ADAMTSL3: variants seen among roughly 807,000 people sequenced by gnomAD.
ADAMTSL3 encodes ADAMTS-like protein 3.
Under a neutral mutation model 201.7 loss-of-function variants are expected in ADAMTSL3, and 128 were observed. The ratio of observed to expected loss-of-function variants is 0.63; its 90% CI spans 0.55 to 0.73. The LOEUF is 0.73. Among genes scored for constraint, ADAMTSL3 ranks in the 30% least tolerant of loss-of-function variants. The pLI is 0.00. For synonymous variants in ADAMTSL3, 738 were observed against 748.4 expected, an observed-to-expected ratio of 0.99 and a Z score of 0.23; for missense variants, 1,990 against 2,119.6, an observed-to-expected ratio of 0.94 and a Z score of 1.20.
At chr15:83,997,826 T>C (rs2067715730) in intron 23 of ADAMTSL3, among the ~76,000 whole-genome samples, 1 of 152,170 alleles carries the variant, frequency 6.6e-6, no homozygotes, top group Non-Finnish European at 1.5e-5. Flanking sequence ...TTTTCTGTTA[T>C]AAAATGAGGA....
chr15:83,760,283 G>A (rs773092482), intron 3 of ADAMTSL3, among the ~76,000 whole-genome samples: 1 of 151,942 alleles, frequency 6.6e-6, no homozygotes, highest in Non-Finnish European at 1.5e-5. Flanking sequence ...TTTTCATTGT[G>A]ATTAATTTTT....
chr15:83,691,408 T>C (rs2061605866), intron 2 of ADAMTSL3, among the ~76,000 whole-genome samples: 1 of 152,160 alleles, frequency 6.6e-6, no homozygotes, highest in African/African-American at 2.4e-5. Flanking sequence ...AGGAGCCATA[T>C]GGTCACTTTC....
chr15:83,769,481 C>T (rs1387102776), intron 3 of ADAMTSL3, among the ~76,000 whole-genome samples: 1 of 152,208 alleles, frequency 6.6e-6, no homozygotes, highest in Non-Finnish European at 1.5e-5. Context: ...GAAAATTGAA[C>T]TGAACAGTGG....
chr15:83,687,706 T>C (rs1176104978), intron 2 of ADAMTSL3, among the ~76,000 whole-genome samples: 1 of 152,084 alleles, frequency 6.6e-6, no homozygotes, highest in Admixed American at 6.5e-5. Flanking sequence ...TCTTAGATTG[T>C]GTATGTGAAA....
intron 16 of ADAMTSL3, among the ~76,000 whole-genome samples, chr15:83,918,650 T>A (rs981482813): frequency 6.6e-6 from 1 of 152,154 alleles, no homozygotes; most frequent in Admixed American, 6.5e-5. Context: ...CAGGGTTTAG[T>A]GTGGCATGCT....
At chr15:83,947,147 C>A (rs2066669223) in intron 19 of ADAMTSL3, among the ~76,000 whole-genome samples, 1 of 152,110 alleles carries the variant, frequency 6.6e-6, no homozygotes, top group Non-Finnish European at 1.5e-5. Context: ...CTTCTTAAAG[C>A]TTCCTGCCAA....
intron 2 of ADAMTSL3, among the ~76,000 whole-genome samples, chr15:83,678,533 A>C (rs1465675407): frequency 6.6e-6 from 1 of 151,050 alleles, no homozygotes; most frequent in African/African-American, 2.4e-5. Flanking sequence ...TAGGTAATGC[A>C]TTGTTTCTCT....
intron 7 of ADAMTSL3, among the ~76,000 whole-genome samples, chr15:83,843,670 T>A (rs1203766792): frequency 6.6e-6 from 1 of 152,150 alleles, no homozygotes; most frequent in Non-Finnish European, 1.5e-5. Flanking sequence ...TTGCCAAGAA[T>A]TCATTCCAAT....
chr15:83,907,348 T>G (rs1442738017), intron 15 of ADAMTSL3, among the ~76,000 whole-genome samples: 2 of 152,232 alleles, frequency 1.3e-5, no homozygotes, highest in African/African-American at 4.8e-5. Context: ...TGGTGCCATT[T>G]CTGCTGATTT....
chr15:83,789,610 T>A lies in ADAMTSL3; in HGVS notation c.318-15040T>A, dbSNP rs1317872607. ...GGTGTTCTATTTTGAAATGCTTTGA[T>A]TTCCCAGTGAAGGCCCTTCTGAGTC... On this transcript the variant is annotated intron_variant, in intron 4 of 29. Transcript: ENST00000286744. Among the ~76,000 whole-genome samples the A allele has an allele frequency of 5.9e-5, 9 of 152,116 alleles. 1 individual carries two copies. The highest frequency in any genetic ancestry group is 3.9e-4 in the Admixed American group (6 of 15,270).
intron 16 of ADAMTSL3, among the ~76,000 whole-genome samples, chr15:83,918,595 C>T (rs2066079672): frequency 6.6e-6 from 1 of 152,008 alleles, no homozygotes; most frequent in South Asian, 2.1e-4. Context: ...TGGTACATTC[C>T]AGGAATGGAA....
chr15:83,753,390 A>G (rs1358166512), intron 3 of ADAMTSL3, among the ~76,000 whole-genome samples: 2 of 152,200 alleles, frequency 1.3e-5, no homozygotes, highest in African/African-American at 4.8e-5. Context: ...CAGACCACCA[A>G]CCAATCCCAG....
chr15:83,824,022 T>C (rs943758073), intron 6 of ADAMTSL3, among the ~76,000 whole-genome samples: 32 of 150,740 alleles, frequency 2.1e-4, no homozygotes, highest in Admixed American at 1.8e-3. Flanking sequence ...CTTTCTTCTT[T>C]CTTCCTTCTT....
intron 25 of ADAMTSL3, among the ~76,000 whole-genome samples, chr15:84,017,316 A>T (rs369813409): frequency 2.0e-4 from 30 of 152,170 alleles, no homozygotes; most frequent in African/African-American, 6.5e-4. Context: ...ACGAGGTTTC[A>T]CCGTGTTAGC....
intron 23 of ADAMTSL3, among the ~76,000 whole-genome samples, chr15:83,995,655 T>G (rs752674699): frequency 6.6e-6 from 1 of 152,126 alleles, no homozygotes; most frequent in Non-Finnish European, 1.5e-5. Context: ...AATTTCTTCT[T>G]ATTTATAGAT....
Position 83,773,583 on chromosome 15 carries a change from T to C in ADAMTSL3, c.250T>C (p.Trp84Arg). The C allele has an allele frequency of 6.2e-7, 1 of 1,614,078 alleles. No individual in the cohort carries two copies. The highest frequency in any genetic ancestry group is 8.5e-7 in the Non-Finnish European group (1 of 1,179,984). ...KDGNWDAWGD[W>R]SDCSRTCGGG... ...TGGCAACTGGGATGCTTGGGGCGACTGGAGTGACTGCTCCCGGACCTGTGG... is the reference window on the plus strand; with the variant it reads ...TGGCAACTGGGATGCTTGGGGCGACCGGAGTGACTGCTCCCGGACCTGTGG... The change falls in exon 4 of 30, where the codon TGG becomes CGG. Residue 84 changes from tryptophan to arginine, a missense_variant. By Grantham distance (101) the Trp-to-Arg change is moderately radical (BLOSUM62 -3). Coordinates refer to ENST00000286744, the MANE Select transcript of ADAMTSL3 (RefSeq NM_207517.3).
chr15:83,772,892 C>T (rs944271906), intron 3 of ADAMTSL3, among the ~76,000 whole-genome samples: 4 of 151,764 alleles, frequency 2.6e-5, no homozygotes, highest in African/African-American at 7.3e-5. Flanking sequence ...TTTTGGTAGA[C>T]GTGGTTTAGG....
intron 14 of ADAMTSL3, among the ~76,000 whole-genome samples, chr15:83,898,641 T>C (rs2065664350): frequency 6.6e-6 from 1 of 152,298 alleles, no homozygotes; most frequent in East Asian, 1.9e-4. Flanking sequence ...ATAGGAGGAT[T>C]TGGCATCAGC....
chr15:83,704,930 C>T (rs1263504363), intron 3 of ADAMTSL3, among the ~76,000 whole-genome samples: 1 of 151,522 alleles, frequency 6.6e-6, no homozygotes, highest in Admixed American at 6.6e-5. Context: ...CAGAAAGGAA[C>T]ACAGTGTGAA....
Sources: allele counts gnomAD v4.1 joint callset (sites outside exome capture counted in the v4.1 genomes callset), GRCh38; gene constraint gnomAD v4.1.1; transcripts MANE v1.5; gene names NCBI Gene and HGNC (gene_info 2026-07-23, HGNC 2026-07-21).